The following CPE variants were observed in gnomAD, a reference collection of about 807,000 sequenced individuals.
CPE encodes carboxypeptidase E, also known as carbocypeptidase E.
In CPE, 17 loss-of-function variants were observed where a neutral mutation model predicts 53.5. The ratio of observed to expected loss-of-function variants is 0.32; its 90% confidence interval spans 0.22 to 0.48. The LOEUF is 0.48. Ranked by LOEUF, CPE falls within the 20% of genes least tolerant of loss-of-function variation. The pLI is 0.99. For synonymous variants in CPE, 226 were observed against 228.8 expected, an observed-to-expected ratio of 0.99 and a Z score of 0.11; for missense variants, 524 against 614.7, an observed-to-expected ratio of 0.85 and a Z score of 1.56.
chr4:165,472,654 G>T (rs956603190), intron 3 of CPE, among the ~76,000 whole-genome samples: 2 of 152,150 alleles, frequency 1.3e-5, no homozygotes, highest in Non-Finnish European at 2.9e-5. Flanking sequence ...ATTAGGCATA[G>T]AATTTTTTTT....
At chr4:165,451,040 C>T (rs929779761) in intron 1 of CPE, among the ~76,000 whole-genome samples, 5 of 152,192 alleles carry the variant, frequency 3.3e-5, no homozygotes, top group Admixed American at 1.3e-4. Context: ...ACTGACAAGC[C>T]GCATGGCATC....
At chr4:165,456,275 T>C (rs1731899763) in intron 1 of CPE, among the ~76,000 whole-genome samples, 1 of 152,182 alleles carries the variant, frequency 6.6e-6, no homozygotes, top group Non-Finnish European at 1.5e-5. Context: ...AAGGGTGATA[T>C]ACTCTCGTGA....
chr4:165,457,611 T>C (rs1234809687), intron 1 of CPE, among the ~76,000 whole-genome samples: 1 of 152,238 alleles, frequency 6.6e-6, no homozygotes, highest in Non-Finnish European at 1.5e-5. Context: ...AATGATTCTG[T>C]AATATGTCTC....
chr4:165,452,366 C>T (rs1047794070), intron 1 of CPE, among the ~76,000 whole-genome samples: 27 of 152,110 alleles, frequency 1.8e-4, no homozygotes, highest in African/African-American at 6.3e-4. Flanking sequence ...TCGATCATTG[C>T]ATATTGTATA....
intron 1 of CPE, among the ~76,000 whole-genome samples, chr4:165,383,551 G>A (rs916511412): frequency 2.6e-5 from 4 of 152,156 alleles, no homozygotes; most frequent in Admixed American, 6.5e-5. Context: ...TAGCTAAAAC[G>A]CTATCTCAAA....
At chr4:165,446,618 G>A (rs1731720334) in intron 1 of CPE, among the ~76,000 whole-genome samples, 1 of 152,182 alleles carries the variant, frequency 6.6e-6, no homozygotes, top group African/African-American at 2.4e-5. Context: ...AAAGTGCTGG[G>A]ATTACAGGCA....
At chr4:165,446,394 A>T (rs1295896676) in intron 1 of CPE, among the ~76,000 whole-genome samples, 1 of 152,258 alleles carries the variant, frequency 6.6e-6, no homozygotes, top group African/African-American at 2.4e-5. Context: ...CAGGCAAAGC[A>T]TAAGATTTGG....
At chr4:165,497,435 C>G in intron 8 of CPE, 77 bp from the exon 9 acceptor site, 1 of 748,274 alleles carries the variant, frequency 1.3e-6, no homozygotes, top group Non-Finnish European at 2.0e-6. Flanking sequence ...TATACTGAAA[C>G]TGCTCTTATT....
At chr4:165,474,224 G>C (rs1218019273) in intron 3 of CPE, among the ~76,000 whole-genome samples, 1 of 152,224 alleles carries the variant, frequency 6.6e-6, no homozygotes, top group Non-Finnish European at 1.5e-5. Flanking sequence ...AGTTATAAAA[G>C]ACTGAGGAGG....
At position 165,497,494 on chromosome 4, in the gene CPE, C is replaced by T; in HGVS notation, c.1333-18C>T. On this transcript the variant is annotated intron_variant, in intron 8 of 8. Transcript: ENST00000402744. ...ACATGCAGTTTGATAATAATATGTT[C>T]TTGATTTTCTCTTTTAGGTTGATTT... The T allele has an allele frequency of 7.2e-7, 1 of 1,392,404 alleles. No homozygotes were observed. Among genetic ancestry groups the T allele is most frequent in the Non-Finnish European group, 9.6e-7 (1 of 1,044,618 alleles). The allele number at this position is 1,392,404 out of a possible 1,614,324, so 86.3% of individuals were successfully genotyped here.
At chr4:165,404,285 T>A (rs1450028526) in intron 1 of CPE, 3 of 769,940 alleles carry the variant, frequency 3.9e-6, no homozygotes, top group Non-Finnish European at 7.3e-6. Flanking sequence ...CAAGATCCCC[T>A]CTTGCGGGCA....
chr4:165,430,666 T>A (rs1731395466), intron 1 of CPE, among the ~76,000 whole-genome samples: 1 of 152,090 alleles, frequency 6.6e-6, no homozygotes, highest in Non-Finnish European at 1.5e-5. Flanking sequence ...TTATTATACT[T>A]AATATATGCC....
chr4:165,452,021 G>C (rs73860771), intron 1 of CPE, among the ~76,000 whole-genome samples: 1,710 of 151,208 alleles, frequency 0.011, 26 homozygotes, highest in African/African-American at 0.038. Context: ...AAAGTGCCCT[G>C]TTTGTCTGGG....
intron 1 of CPE, among the ~76,000 whole-genome samples, chr4:165,460,584 A>G (rs1731982725): frequency 6.6e-6 from 1 of 152,100 alleles, no homozygotes; most frequent in Non-Finnish European, 1.5e-5. Flanking sequence ...AGCTGCCTCA[A>G]GCCCCCTTCA....
chr4:165,408,643 T>G (rs1483281647), intron 1 of CPE, among the ~76,000 whole-genome samples: 1 of 152,252 alleles, frequency 6.6e-6, no homozygotes, highest in Non-Finnish European at 1.5e-5. Context: ...GAGGGCTTGT[T>G]AAAACACTGG....
intron 1 of CPE, among the ~76,000 whole-genome samples, chr4:165,449,272 G>A (rs966954841): frequency 6.6e-6 from 1 of 152,166 alleles, no homozygotes; most frequent in African/African-American, 2.4e-5. Flanking sequence ...GTTTAAAGAA[G>A]GATAAGATCA....
chr4:165,439,710 T>C (rs1178740824), intron 1 of CPE, among the ~76,000 whole-genome samples: 1 of 152,122 alleles, frequency 6.6e-6, no homozygotes, highest in Non-Finnish European at 1.5e-5. Flanking sequence ...ATTATATTGA[T>C]ACTAATGAGA....
chr4:165,422,557 G>A (rs999432756), intron 1 of CPE, among the ~76,000 whole-genome samples: 2 of 152,118 alleles, frequency 1.3e-5, no homozygotes, highest in Admixed American at 1.3e-4. Flanking sequence ...AGTTTATTTT[G>A]CCAAGGTTAA....
intron 1 of CPE, among the ~76,000 whole-genome samples, chr4:165,384,084 G>C (rs747387631): frequency 6.6e-6 from 1 of 152,182 alleles, no homozygotes; most frequent in African/African-American, 2.4e-5. Context: ...CTCCCTTACC[G>C]TCTTACCACG....
Sources: gnomAD v4.1 joint callset for allele counts (sites outside exome capture counted in the v4.1 genomes callset) on GRCh38, gnomAD v4.1.1 for gene constraint, MANE v1.5 for transcripts, NCBI Gene and HGNC (gene_info 2026-07-23, HGNC 2026-07-21) for gene names.